Variants in ARID4B observed in about 807,000 individuals in gnomAD.
The protein encoded by ARID4B is AT-rich interactive domain-containing protein 4B.
ARID4B carries 26 observed loss-of-function variants against 147.5 expected under a neutral mutation model. That is an observed-to-expected ratio of 0.18 (90% CI 0.13 to 0.24). The LOEUF is 0.24. Among genes scored for constraint, ARID4B ranks in the 10% least tolerant of loss-of-function variants. ARID4B has a pLI of 1.00. For synonymous variants in ARID4B, 512 were observed against 507.9 expected (o/e 1.01, Z -0.11); for missense variants, 1,179 against 1,511.5 (o/e 0.78, Z 3.65).
At chr1:235,325,632 G>T (rs962296474) in intron 2 of ARID4B, among the ~76,000 whole-genome samples, 1 of 152,116 alleles carries the variant, frequency 6.6e-6, no homozygotes, top group South Asian at 2.1e-4. Context: ...CCTAATAAAT[G>T]CACTTTCACC....
intron 19 of ARID4B, among the ~76,000 whole-genome samples, chr1:235,184,520 T>C (rs1044959324): frequency 7.2e-5 from 11 of 152,216 alleles, no homozygotes; most frequent in African/African-American, 2.7e-4. Flanking sequence ...CTCCAGAACT[T>C]ACAACCTTAA....
At chr1:235,236,849 TA>T (rs1668621302) in intron 8 of ARID4B, among the ~76,000 whole-genome samples, 2 of 39,538 alleles carry the variant, frequency 5.1e-5, no homozygotes, top group Non-Finnish European at 1.0e-4. Context: ...TATATATATA[TA>T]TATATATATA....
intron 7 of ARID4B, 107 bp from the exon 8 acceptor site, chr1:235,240,558 G>T: frequency 1.0e-6 from 1 of 988,086 alleles, no homozygotes; most frequent in Non-Finnish European, 1.5e-6. Context: ...CCTAAGACCT[G>T]TAAAATGGCT....
chr1:235,257,465 A>G (rs968051119), intron 3 of ARID4B, among the ~76,000 whole-genome samples: 3 of 151,542 alleles, frequency 2.0e-5, no homozygotes, highest in African/African-American at 7.3e-5. Context: ...GATGTTCCAC[A>G]TGTCATTTTT....
rs754024559 is a variant in ARID4B, at chr1:235,182,728, T to C, written c.2191A>G (p.Asn731Asp). Residue 731 changes from asparagine (N) to aspartate (D), a missense_variant, in exon 20 of 24, where the codon AAT (asparagine) becomes GAT (aspartate). Around this residue, in one of 10 missense-constraint regions of ARID4B, gnomAD observed 321 missense variants for 342.4 expected, o/e 0.94. Transcript: ENST00000264183. ...DERGAQDMDN[N>D]GKEESKIDHL... ...TCAATCTTAGATTCCTCTTTGCCAT[T>C]ATTATCCATGTCTTGAGCACCTCTC... 1.9e-6 allele frequency: 3 copies of C among 1,613,256 alleles called. No individual in the cohort carries two copies. The Admixed American group carries it at 5.0e-5, about 27-fold the overall frequency.
In ARID4B at chr1:235,181,629, C is replaced by T; in HGVS notation, c.3290G>A (p.Ser1097Asn). The change falls in exon 20 of 24, where the codon AGC (serine) becomes AAC (asparagine). Residue 1097 changes from serine (S) to asparagine (N), a missense_variant. Ser to Asn is a conservative substitution (Grantham distance 46). Transcript: ENST00000264183. The part of the protein sequence containing the change: ...SSPAGFDASV[S>N]SSSSNQPEPE... The stretch of plus-strand genomic sequence containing the variant: ...TTCTGGCTGATTACTACTGCTTGAG[C>T]TCACACTGGCATCAAAACCTGCTGG... 6.2e-7 allele frequency: 1 copy of T among 1,613,794 alleles called. No individual in the cohort carries two copies. Among genetic ancestry groups the T allele is most frequent in the African/African-American group, 1.3e-5 (1 of 75,044 alleles).
chr1:235,196,868 A>AG (rs1553286899), intron 17 of ARID4B, among the ~76,000 whole-genome samples: 4 of 151,490 alleles, frequency 2.6e-5, no homozygotes, highest in Middle Eastern at 3.2e-3. Flanking sequence ...AAAAAAAAAA[A>AG]AAAGAAATAA....
intron 2 of ARID4B, among the ~76,000 whole-genome samples, chr1:235,266,533 T>C (rs369136811): frequency 6.6e-6 from 1 of 152,238 alleles, no homozygotes; most frequent in Non-Finnish European, 1.5e-5. Context: ...TTTTCCAGCA[T>C]TGCTTAAATA....
chr1:235,196,853 C>CAAAAAAAAAA (rs34581094), intron 17 of ARID4B, among the ~76,000 whole-genome samples: 2 of 88,518 alleles, frequency 2.3e-5, no homozygotes, highest in African/African-American at 4.6e-5. Flanking sequence ...CTCTGTTTCA[C>CAAAAAAAAAA]AAAAAAAAAA....
At chr1:235,263,716 C>T (rs148608343) in intron 2 of ARID4B, among the ~76,000 whole-genome samples, 2,127 of 151,442 alleles carry the variant, frequency 0.014, 27 homozygotes, top group Non-Finnish European at 0.019. Context: ...GGGCTGGGCG[C>T]GGGACTCACA....
At chr1:235,226,259 G>A (rs1667820950) in intron 11 of ARID4B, among the ~76,000 whole-genome samples, 1 of 152,184 alleles carries the variant, frequency 6.6e-6, no homozygotes, top group East Asian at 1.9e-4. Context: ...GAGTAAGACA[G>A]CATTCCTAAC....
chr1:235,258,575 G>T (rs1270733723), intron 3 of ARID4B, among the ~76,000 whole-genome samples: 1 of 152,164 alleles, frequency 6.6e-6, no homozygotes, highest in African/African-American at 2.4e-5. Context: ...CCACTACTCA[G>T]TATAGAAAAC....
rs75964906 is a variant in ARID4B at position 235,294,425 on chromosome 1, G to T, written c.6+32489C>A. On this transcript the variant is annotated intron_variant, in intron 2 of 23. Coordinates refer to ENST00000264183, the MANE Select transcript of ARID4B (RefSeq NM_016374.6). ...CCTCCCGGGTTCAAGCAATTCTCCCGCTTGAACCCAGGGGTTCAAGCAATT... is the reference window on the plus strand; with the variant it reads ...CCTCCCGGGTTCAAGCAATTCTCCCTCTTGAACCCAGGGGTTCAAGCAATT... Among the ~76,000 whole-genome samples, 336 of 117,060 alleles carry T rather than the reference G, an allele frequency of 2.9e-3. 12 individuals are homozygous for T. The East Asian group carries it at 0.067, about 23-fold the overall frequency. 76.8% of individuals were successfully genotyped at this position (117,060 alleles called of 152,430 possible).
At chr1:235,253,957 C>A (rs944152965) in intron 5 of ARID4B, among the ~76,000 whole-genome samples, 1 of 152,128 alleles carries the variant, frequency 6.6e-6, no homozygotes, top group Non-Finnish European at 1.5e-5. Context: ...TCCTTACTGG[C>A]TGAACTAAAA....
chr1:235,321,657 A>G (rs1674847212), intron 2 of ARID4B, among the ~76,000 whole-genome samples: 1 of 151,872 alleles, frequency 6.6e-6, no homozygotes, highest in Non-Finnish European at 1.5e-5. Context: ...AAGCCTGGCT[A>G]ATTTCTATTT....
At chr1:235,298,653 CCA>C (rs1672921531) in intron 2 of ARID4B, among the ~76,000 whole-genome samples, 1 of 151,162 alleles carries the variant, frequency 6.6e-6, no homozygotes, top group Non-Finnish European at 1.5e-5. Flanking sequence ...CTGTGCCTAT[CCA>C]CAGTTAAATA....
At chr1:235,173,422 G>A (rs1488671715) in intron 22 of ARID4B, among the ~76,000 whole-genome samples, 1 of 151,954 alleles carries the variant, frequency 6.6e-6, no homozygotes, top group Non-Finnish European at 1.5e-5. Flanking sequence ...CACATTTTGT[G>A]AGTAACAAGA....
chr1:235,218,952 G>A (rs1667268272), intron 16 of ARID4B, among the ~76,000 whole-genome samples: 1 of 145,358 alleles, frequency 6.9e-6, no homozygotes. Context: ...TGCAACCTCT[G>A]CCTCCAGGGT....
intron 1 of ARID4B, 142 bp downstream of exon 1, chr1:235,327,627 G>A (rs1323798564): frequency 1.3e-5 from 2 of 152,428 alleles, no homozygotes; most frequent in East Asian, 3.9e-4. Context: ...TGCGGGGGGT[G>A]GGGGTTCCCG....
Sources: gnomAD v4.1 joint callset for allele counts (sites outside exome capture counted in the v4.1 genomes callset) on GRCh38, gnomAD v4.1.1 for gene constraint, gnomAD v4.1.1 regional missense constraint, MANE v1.5 for transcripts, NCBI Gene and HGNC (gene_info 2026-07-23, HGNC 2026-07-21) for gene names.